Variants in CSRNP3 observed in about 807,000 individuals in gnomAD.
CSRNP3 encodes the protein cysteine and serine rich nuclear protein 3.
CSRNP3 carries 12 observed loss-of-function variants against 48.0 expected under a neutral mutation model. The observed-to-expected ratio is 0.25, with a 90% CI of 0.16 to 0.41. The LOEUF (loss-of-function observed/expected upper bound fraction) is 0.41, where lower values mean the gene tolerates loss of function less well. CSRNP3 is among the 10% of genes least tolerant of loss of function. CSRNP3 has a pLI of 1.00. For synonymous variants in CSRNP3, 263 were observed against 269.7 expected (o/e 0.98, Z 0.24); for missense variants, 580 against 724.4 (o/e 0.80, Z 2.29).
intron 3 of CSRNP3, among the ~76,000 whole-genome samples, chr2:165,589,973 G>A (rs1482289714): frequency 5.3e-5 from 8 of 152,082 alleles, no homozygotes; most frequent in Admixed American, 4.6e-4. Flanking sequence ...TTTCCATCTT[G>A]TATTACTTTG....
intron 4 of CSRNP3, among the ~76,000 whole-genome samples, chr2:165,631,208 C>T (rs1156281728): frequency 2.6e-5 from 4 of 152,112 alleles, no homozygotes; most frequent in African/African-American, 7.2e-5. Flanking sequence ...AATTTCGGCT[C>T]CCTGTGACTT....
rs3731764 is a variant in CSRNP3, at chr2:165,678,855, C to T, written c.860C>T (p.Thr287Met). The T allele has an allele frequency of 3.3e-5, 53 of 1,613,944 alleles. No individual in the cohort carries two copies. The East Asian group carries it at 5.8e-4, about 18-fold the overall frequency. The change falls in exon 7 of 7, where the codon ACG becomes ATG. Residue 287 changes from threonine to methionine, a missense_variant. By Grantham distance (81) the Thr-to-Met change is moderately conservative (BLOSUM62 -1). Transcript: ENST00000651982. The stretch of plus-strand genomic sequence containing the variant: ...AAAAACCGAGAGCAGCAAATCCCCA[C>T]GCTGAATGGCTGCCACAGTGAGATA... The part of the protein sequence containing the change: ...LEKNREQQIP[T>M]LNGCHSEISA...
At chr2:165,633,077 C>T (rs929606587) in intron 4 of CSRNP3, among the ~76,000 whole-genome samples, 1 of 152,170 alleles carries the variant, frequency 6.6e-6, no homozygotes, top group Non-Finnish European at 1.5e-5. Flanking sequence ...CCTAAGTGAA[C>T]TATACACTGA....
At chr2:165,665,783 GAGAGAGAGAGAGAGAGAGAAAGAGAGAA>G (rs1400203154) in intron 5 of CSRNP3, among the ~76,000 whole-genome samples, 1 of 149,306 alleles carries the variant, frequency 6.7e-6, no homozygotes, top group Non-Finnish European at 1.5e-5. Flanking sequence ...GAAAGAGAGA[GAGAGAGAGAGAGAGAGAGAAAGAGAGAA>G]AGAGAAAGGA....
At chr2:165,495,407 A>G (rs1028355981) in intron 2 of CSRNP3, among the ~76,000 whole-genome samples, 1 of 152,172 alleles carries the variant, frequency 6.6e-6, no homozygotes, top group Non-Finnish European at 1.5e-5. Flanking sequence ...GGACACAGTT[A>G]AAACTCAGAC....
At chr2:165,618,272 C>T (rs1686284407) in intron 4 of CSRNP3, among the ~76,000 whole-genome samples, 1 of 152,182 alleles carries the variant, frequency 6.6e-6, no homozygotes, top group Admixed American at 6.5e-5. Context: ...TCCTGGCTGG[C>T]TGCTTTGCTT....
intron 6 of CSRNP3, among the ~76,000 whole-genome samples, chr2:165,677,225 T>C (rs1348608152): frequency 1.3e-5 from 2 of 152,202 alleles, no homozygotes; most frequent in African/African-American, 4.8e-5. Context: ...TAAATAAAGT[T>C]TTATTGGATC....
At chr2:165,530,939 T>C (rs1343367336) in intron 3 of CSRNP3, among the ~76,000 whole-genome samples, 1 of 152,076 alleles carries the variant, frequency 6.6e-6, no homozygotes, top group Non-Finnish European at 1.5e-5. Context: ...TATGGGACTG[T>C]AATTTAGAAC....
intron 3 of CSRNP3, among the ~76,000 whole-genome samples, chr2:165,519,198 A>G (rs1421723898): frequency 6.6e-6 from 1 of 152,154 alleles, no homozygotes; most frequent in Non-Finnish European, 1.5e-5. Flanking sequence ...GTCTCTTGAC[A>G]CAACTGCAAA....
chr2:165,582,733 C>T (rs1221083016), intron 3 of CSRNP3, among the ~76,000 whole-genome samples: 2 of 152,178 alleles, frequency 1.3e-5, no homozygotes, highest in Non-Finnish European at 2.9e-5. Context: ...AGGTTTTTAT[C>T]CTGGGAGTCC....
chr2:165,663,763 C>T (rs1687134142), intron 5 of CSRNP3, among the ~76,000 whole-genome samples: 1 of 152,154 alleles, frequency 6.6e-6, no homozygotes, highest in African/African-American at 2.4e-5. Context: ...GGATTGTGTA[C>T]TTCTCTTCCC....
intron 3 of CSRNP3, among the ~76,000 whole-genome samples, chr2:165,589,675 A>G (rs1343547067): frequency 6.6e-6 from 1 of 152,198 alleles, no homozygotes; most frequent in Non-Finnish European, 1.5e-5. Flanking sequence ...AGCTCTTGAC[A>G]TCCCCAAATT....
At chr2:165,615,315 G>A (rs1402409636) in intron 4 of CSRNP3, among the ~76,000 whole-genome samples, 1 of 151,648 alleles carries the variant, frequency 6.6e-6, no homozygotes, top group Non-Finnish European at 1.5e-5. Context: ...AGGCCGAGTC[G>A]GGCAGATCAC....
chr2:165,560,349 T>C (rs529181115), intron 3 of CSRNP3, among the ~76,000 whole-genome samples: 1 of 152,320 alleles, frequency 6.6e-6, no homozygotes, highest in South Asian at 2.1e-4. Flanking sequence ...TTTTGAAAAT[T>C]ACCCATGTCA....
intron 2 of CSRNP3, 142 bp from the exon 3 acceptor site, chr2:165,517,731 G>A (rs1684599873): frequency 6.6e-6 from 1 of 152,246 alleles, no homozygotes; most frequent in Non-Finnish European, 1.5e-5. Flanking sequence ...TGATTATTCA[G>A]TTCTGTATTT....
At chr2:165,507,146 T>A (rs969687385) in intron 2 of CSRNP3, among the ~76,000 whole-genome samples, 5 of 152,190 alleles carry the variant, frequency 3.3e-5, no homozygotes, top group African/African-American at 1.2e-4. Flanking sequence ...TTCCGTTTTT[T>A]AATTTTCTGG....
In CSRNP3 at chr2:165,579,951, CAG is replaced by C. The variant is rs1226083845; in HGVS notation, c.-23-15089_-23-15088del. 2.9e-3 allele frequency among the ~76,000 whole-genome samples: 305 copies of C among 104,314 alleles called. 3 individuals carry two copies. The highest frequency in any genetic ancestry group is 9.5e-3 in the African/African-American group (249 of 26,208). 68.4% of individuals were successfully genotyped at this position (104,314 alleles called of 152,430 possible). A position where few individuals can be genotyped will look rare whatever the true frequency, so the allele number is the denominator to read the frequency against. On this transcript the variant is annotated intron_variant, in intron 3 of 6. Transcript: ENST00000651982. ...TTTTTTTTTTTTTTTTTTTTTGAGACAGAGTCTCACTCTGTCGCCCAGGCTGG... is the reference window on the plus strand; with the variant it reads ...TTTTTTTTTTTTTTTTTTTTTGAGACAGTCTCACTCTGTCGCCCAGGCTGG...
chr2:165,678,838 A>G lies in CSRNP3; in HGVS notation c.843A>G (p.Arg281=), dbSNP rs752353620. Reference sequence around the variant, plus strand: ...TGAAACTTGAACTGGAGAAAAACCGAGAGCAGCAAATCCCCACGCTGAATG... The same window carrying G: ...TGAAACTTGAACTGGAGAAAAACCGGGAGCAGCAAATCCCCACGCTGAATG... ...TIMKLELEKN[R]EQQIPTLNGC... Residue 281 remains arginine (R), a synonymous_variant, in exon 7 of 7, where the codon CGA becomes CGG. Transcript: ENST00000651982. The G allele has an allele frequency of 1.2e-6, 2 of 1,614,108 alleles. No homozygotes were observed. Among genetic ancestry groups the G allele is most frequent in the Admixed American group, 3.3e-5 (2 of 60,000 alleles).
chr2:165,590,569 C>T (rs763590949), intron 3 of CSRNP3, among the ~76,000 whole-genome samples: 16 of 152,260 alleles, frequency 1.1e-4, no homozygotes, highest in Non-Finnish European at 2.4e-4. Flanking sequence ...TTGTAGTTCC[C>T]ATAATCCCCA....
Sources: gnomAD v4.1 joint callset for allele counts (sites outside exome capture counted in the v4.1 genomes callset) on GRCh38, gnomAD v4.1.1 for gene constraint, MANE v1.5 for transcripts, NCBI Gene and HGNC (gene_info 2026-07-23, HGNC 2026-07-21) for gene names.